Variants in TRIM62 observed in about 807,000 individuals in gnomAD.
The protein encoded by TRIM62 is tripartite motif containing 62, also known as E3 ubiquitin-protein ligase TRIM62.
A neutral mutation model predicts 44.2 loss-of-function variants in TRIM62; 39 were observed. The observed-to-expected ratio is 0.88, with a 90% confidence interval of 0.68 to 1.15. The LOEUF (loss-of-function observed/expected upper bound fraction) is 1.15. TRIM62 is among the 50% of genes most tolerant of loss of function. The pLI is 0.00. For missense variants in TRIM62, 544 were observed against 665.5 expected, an observed-to-expected ratio of 0.82 and a Z score of 2.01; for synonymous variants, 278 against 292.3, an observed-to-expected ratio of 0.95 and a Z score of 0.50.
chr1:33,147,693 G>C lies in TRIM62; in HGVS notation c.912C>G (p.Ala304=). Residue 304 remains alanine, a synonymous_variant, in exon 5 of 5, where the codon GCC becomes GCG. Coordinates refer to ENST00000291416, the MANE Select transcript of TRIM62 (RefSeq NM_018207.3). This position sits in a 1 kb window ranked among gnomAD's most constrained non-coding sequence, Gnocchi z 8.1. Reference sequence around the variant, plus strand: ...CGTCCGACAGGATCAGGCGCTGGTGGGCTGTGCCCGGGTCCAGGGTTAGGG... The same window carrying C: ...CGTCCGACAGGATCAGGCGCTGGTGCGCTGTGCCCGGGTCCAGGGTTAGGG... ...PAALTLDPGT[A]HQRLILSDDC... is the part of the protein sequence containing the mutation. 6.2e-7 allele frequency: 1 copy of C among 1,613,308 alleles called. No individual in the cohort carries two copies. Among genetic ancestry groups the C allele is most frequent in the Middle Eastern group, 1.6e-4 (1 of 6,062 alleles).
intron 1 of TRIM62, among the ~76,000 whole-genome samples, chr1:33,173,190 A>G (rs1005078387): frequency 7.9e-5 from 12 of 151,828 alleles, no homozygotes; most frequent in African/African-American, 2.9e-4. Flanking sequence ...TTGAGCCCCA[A>G]CCCTCCCTGT....
chr1:33,181,254 G>A lies in TRIM62; in HGVS notation c.179C>T (p.Pro60Leu). 6.5e-7 allele frequency: 1 copy of A among 1,549,452 alleles called. No homozygotes were observed. The highest frequency in any genetic ancestry group is 8.7e-7 in the Non-Finnish European group (1 of 1,153,238). ...CAGCTTGAGGCTGGGCGCCAGCGCG[G>A]GCTCGGCGAACGTGCGCCGGCACTC... Reference protein sequence around the residue: ...CPECRRTFAEPALAPSLKLAN... With the variant: ...CPECRRTFAELALAPSLKLAN... The change falls in exon 1 of 5, where the codon CCC (proline) becomes CTC (leucine). Residue 60 changes from proline to leucine, a missense_variant. Coordinates refer to ENST00000291416, the MANE Select transcript of TRIM62 (RefSeq NM_018207.3). The surrounding 1 kb of genome is among the most constrained non-coding windows in gnomAD (Gnocchi z 6.5).
intron 1 of TRIM62, among the ~76,000 whole-genome samples, chr1:33,174,934 CAT>C (rs1173324328): frequency 3.3e-5 from 3 of 90,840 alleles, no homozygotes; most frequent in Non-Finnish European, 6.3e-5. Flanking sequence ...CACACACATA[CAT>C]ATATGTGTGT....
At chr1:33,180,834 G>T (rs892115209) in intron 1 of TRIM62, among the ~76,000 whole-genome samples, 191 bp downstream of exon 1, 1 of 144,630 alleles carries the variant, frequency 6.9e-6, no homozygotes, top group African/African-American at 2.6e-5. Flanking sequence ...CGCCCCCACG[G>T]CCCCGCCATG....
rs1474490988 is a variant in TRIM62 at position 33,165,695 on chromosome 1, A to C, written c.409-129T>G. 2 of 694,858 alleles carry C rather than the reference A, an allele frequency of 2.9e-6. No individual in the cohort carries two copies. Among genetic ancestry groups the C allele is most frequent in the East Asian group, 6.3e-5 (2 of 31,664 alleles). The allele number at this position is 694,858 out of a possible 1,614,324, so 43.0% of individuals were successfully genotyped here. ...CAACCTCCAACACTTGCCTCCCGTC[A>C]CAGTTCAACCACCAGCAAGTCCTGT... On this transcript the variant is annotated intron_variant, in intron 1 of 4. Coordinates refer to ENST00000291416, the MANE Select transcript of TRIM62 (RefSeq NM_018207.3). This position sits in a 1 kb window ranked among gnomAD's most constrained non-coding sequence, Gnocchi z 4.0.
At chr1:33,168,538 G>A (rs1487006900) in intron 1 of TRIM62, among the ~76,000 whole-genome samples, 1 of 152,164 alleles carries the variant, frequency 6.6e-6, no homozygotes, top group African/African-American at 2.4e-5. Context: ...GCAACCTGCC[G>A]CAGCACACCC....
chr1:33,165,343 T>G lies in TRIM62; in HGVS notation c.504+128A>C. On this transcript the variant is annotated intron_variant, in intron 2 of 4. Coordinates refer to ENST00000291416, the MANE Select transcript of TRIM62 (RefSeq NM_018207.3). This position sits in a 1 kb window ranked among gnomAD's most constrained non-coding sequence, Gnocchi z 4.0. ...CCCACCCTGCCCTTCTCACTCCAGG[T>G]TTGGCTCCTTGAAGCCAGGTTTCCA... 2 of 803,846 alleles carry G rather than the reference T, an allele frequency of 2.5e-6. No individual in the cohort carries two copies. The highest frequency in any genetic ancestry group is 1.9e-6 in the Non-Finnish European group (1 of 519,158). 49.8% of individuals were successfully genotyped at this position (803,846 alleles called of 1,614,324 possible). A position where few individuals can be genotyped will look rare whatever the true frequency, so the allele number is the denominator to read the frequency against.
rs74401717 is a variant in TRIM62 at position 33,146,168 on chromosome 1, A to G, written c.*1009T>C. ...AGTCTGCTTCTCCAGCTCTTCCAAC[A>G]ATTTTGCAAGCCACCAGGGGCCAGG... On this transcript the variant is annotated 3_prime_UTR_variant, in exon 5 of 5. Transcript: ENST00000291416. 3.9e-4 allele frequency: 100 copies of G among 256,424 alleles called. No individual in the cohort carries two copies. The highest frequency in any genetic ancestry group is 2.1e-3 in the African/African-American group (93 of 44,260). 15.9% of individuals were successfully genotyped at this position (256,424 alleles called of 1,614,324 possible).
intron 1 of TRIM62, among the ~76,000 whole-genome samples, chr1:33,171,254 A>G (rs1281843129): frequency 2.0e-5 from 3 of 152,228 alleles, no homozygotes; most frequent in East Asian, 1.9e-4. Context: ...GAGGAAGGAC[A>G]CTGGTAACGG....
At chr1:33,149,596 A>G (rs942685426) in intron 4 of TRIM62, among the ~76,000 whole-genome samples, 10 of 151,872 alleles carry the variant, frequency 6.6e-5, no homozygotes, top group Non-Finnish European at 1.5e-4. Flanking sequence ...CTGAGACTAT[A>G]GGCATGCATC....
chr1:33,157,445 C>T (rs917538130), intron 4 of TRIM62, among the ~76,000 whole-genome samples: 1 of 151,928 alleles, frequency 6.6e-6, no homozygotes. Context: ...GTTCCTGGAC[C>T]ACCTGTCTAA....
Position 33,177,032 on chromosome 1 carries a change from TACACATGCACACACACACGCACACACAC to T in TRIM62, c.408+3965_408+3992del. On this transcript the variant is annotated intron_variant, in intron 1 of 4. Coordinates refer to ENST00000291416, the MANE Select transcript of TRIM62 (RefSeq NM_018207.3). This position sits in a 1 kb window ranked among gnomAD's most constrained non-coding sequence, Gnocchi z 4.1. Reference sequence around the variant, plus strand: ...GTGGGGAGGAAGACACCAACACACATACACATGCACACACACACGCACACACACACACATGCACACACACACATGCATG... The same window carrying T: ...GTGGGGAGGAAGACACCAACACACATACACATGCACACACACACATGCATG... Among the ~76,000 whole-genome samples, 1 of 105,642 alleles carries T rather than the reference TACACATGCACACACACACGCACACACAC, an allele frequency of 9.5e-6. No individual in the cohort carries two copies. Among genetic ancestry groups the T allele is most frequent in the African/African-American group, 3.8e-5 (1 of 26,004 alleles). 69.3% of individuals were successfully genotyped at this position (105,642 alleles called of 152,430 possible).
At position 33,165,392 on chromosome 1, in the gene TRIM62, T is replaced by G; in HGVS notation, c.504+79A>C. The G allele has an allele frequency of 8.8e-7, 1 of 1,142,148 alleles. No homozygotes were observed. Among genetic ancestry groups the G allele is most frequent in the Non-Finnish European group, 1.2e-6 (1 of 812,342 alleles). 70.8% of individuals were successfully genotyped at this position (1,142,148 alleles called of 1,614,324 possible). ...CACCGCACACCCGAGGCCCCGCCCC[T>G]CTTCCCCAGCTGGCCCCGCCCCTCG... On this transcript the variant is annotated intron_variant, in intron 2 of 4. Transcript: ENST00000291416. The surrounding 1 kb of genome is among the most constrained non-coding windows in gnomAD (Gnocchi z 4.0).
Position 33,158,350 on chromosome 1 carries a change from A to G in TRIM62, c.780T>C (p.His260=). The change falls in exon 4 of 5, where the codon CAT becomes CAC. Residue 260 remains histidine, a synonymous_variant. Transcript: ENST00000291416. The part of the protein sequence containing the change: ...SLSERLKGKI[H]ETNLTYEDFP... ...AGTCTTCATATGTGAGGTTGGTCTC[A>G]TGGATTTTTCCCTTGAGCCTGGAAG... 1.2e-6 allele frequency: 2 copies of G among 1,613,316 alleles called. No homozygotes were observed. Among genetic ancestry groups the G allele is most frequent in the South Asian group, 1.1e-5 (1 of 91,084 alleles).
At position 33,159,037 on chromosome 1, in the gene TRIM62, G is replaced by A. The variant is rs997793694; in HGVS notation, c.761+651C>T. ...TGTATTTTTTTTTAGTAGAGACGGGGTTTCACCATGTTAGTCAGGCTGGTC... is the reference window on the plus strand; with the variant it reads ...TGTATTTTTTTTTAGTAGAGACGGGATTTCACCATGTTAGTCAGGCTGGTC... On this transcript the variant is annotated intron_variant, in intron 3 of 4. Transcript: ENST00000291416. The surrounding 1 kb of genome is among the most constrained non-coding windows in gnomAD (Gnocchi z 4.2). Among the ~76,000 whole-genome samples, 1 of 151,840 alleles carries A rather than the reference G, an allele frequency of 6.6e-6. No individual in the cohort carries two copies. The highest frequency in any genetic ancestry group is 2.4e-5 in the African/African-American group (1 of 41,312).
chr1:33,179,671 C>G (rs1645445891), intron 1 of TRIM62, among the ~76,000 whole-genome samples: 1 of 152,104 alleles, frequency 6.6e-6, no homozygotes, highest in Admixed American at 6.6e-5. Flanking sequence ...TTGCACCAGG[C>G]TTTGGGGCCA....
Position 33,159,579 on chromosome 1 carries a change from G to T in TRIM62, c.761+109C>A. On this transcript the variant is annotated intron_variant, in intron 3 of 4. Coordinates refer to ENST00000291416, the MANE Select transcript of TRIM62 (RefSeq NM_018207.3). The surrounding 1 kb of genome is among the most constrained non-coding windows in gnomAD (Gnocchi z 4.2). ...TCCCGTAAATGTTTGATGAAGATTT[G>T]AATGAAAGAATTCTCTGCTAAGGAT... 1 of 1,411,508 alleles carries T rather than the reference G, an allele frequency of 7.1e-7. No individual in the cohort carries two copies. Among genetic ancestry groups the T allele is most frequent in the Non-Finnish European group, 9.4e-7 (1 of 1,066,452 alleles). 87.4% of individuals were successfully genotyped at this position (1,411,508 alleles called of 1,614,324 possible).
intron 4 of TRIM62, among the ~76,000 whole-genome samples, chr1:33,151,296 G>A (rs1048660346): frequency 2.6e-5 from 4 of 152,074 alleles, no homozygotes; most frequent in African/African-American, 9.7e-5. Context: ...GCCGGCCTAG[G>A]GGCAGGGCCT....
chr1:33,147,682 AGGCGCTGGTGGGCTGTGCCCG>A lies in TRIM62; in HGVS notation c.902_922del (p.Pro301_Arg307del). 2 of 1,613,678 alleles carry A rather than the reference AGGCGCTGGTGGGCTGTGCCCG, an allele frequency of 1.2e-6. No individual in the cohort carries two copies. Among genetic ancestry groups the A allele is most frequent in the Non-Finnish European group, 1.7e-6 (2 of 1,179,958 alleles). On this transcript the variant is annotated inframe_deletion, in exon 5 of 5. Coordinates refer to ENST00000291416, the MANE Select transcript of TRIM62 (RefSeq NM_018207.3). The surrounding 1 kb of genome is among the most constrained non-coding windows in gnomAD (Gnocchi z 8.1). ...AATGGTGCAGTCGTCCGACAGGATC[AGGCGCTGGTGGGCTGTGCCCG>A]GGTCCAGGGTTAGGGCGGCTGGCAC...
Sources: allele counts gnomAD v4.1 joint callset (sites outside exome capture counted in the v4.1 genomes callset), GRCh38; gene constraint gnomAD v4.1.1; non-coding constraint Gnocchi (gnomAD v3.1); transcripts MANE v1.5; gene names NCBI Gene and HGNC (gene_info 2026-07-23, HGNC 2026-07-21).